RALYL: variants seen among roughly 807,000 people sequenced by gnomAD.
The protein encoded by RALYL is RALY RNA binding protein like, also known as RNA-binding Raly-like protein.
RALYL carries 29 observed loss-of-function variants against 35.1 expected under a neutral mutation model. The observed-to-expected ratio is 0.83, with a 90% CI of 0.61 to 1.13. The LOEUF (loss-of-function observed/expected upper bound fraction) is 1.13, where lower values mean the gene tolerates loss of function less well. RALYL is among the 50% of genes most tolerant of loss of function. RALYL has a pLI of 0.00. For missense variants in RALYL, 359 were observed against 360.4 expected (o/e 1.00, Z 0.03); for synonymous variants, 120 against 127.6 (o/e 0.94, Z 0.40).
intron 2 of RALYL, among the ~76,000 whole-genome samples, chr8:84,539,253 A>G (rs2059824804): frequency 6.6e-6 from 1 of 152,162 alleles, no homozygotes; most frequent in Non-Finnish European, 1.5e-5. Flanking sequence ...AGAGTTGTGA[A>G]GATTAAATGC....
chr8:84,852,936 T>A (rs1353906075), intron 5 of RALYL, among the ~76,000 whole-genome samples: 2 of 152,208 alleles, frequency 1.3e-5, no homozygotes, highest in African/African-American at 4.8e-5. Context: ...TGGGGAGTTG[T>A]GCTCTACTAC....
chr8:84,735,583 A>T (rs1423203712), intron 2 of RALYL, among the ~76,000 whole-genome samples: 1 of 151,960 alleles, frequency 6.6e-6, no homozygotes, highest in Non-Finnish European at 1.5e-5. Flanking sequence ...GTTTTAGACA[A>T]ATGTTCCATT....
chr8:84,826,292 GAAAAA>G (rs1169764529), intron 4 of RALYL, among the ~76,000 whole-genome samples: 26 of 66,012 alleles, frequency 3.9e-4, no homozygotes, highest in African/African-American at 1.2e-3. Flanking sequence ...CCCTGAATCT[GAAAAA>G]AAAAAAAAAA....
intron 4 of RALYL, among the ~76,000 whole-genome samples, chr8:84,816,874 C>T (rs1366440111): frequency 6.6e-6 from 1 of 151,714 alleles, no homozygotes; most frequent in Non-Finnish European, 1.5e-5. Context: ...ATCTCATGTA[C>T]CCCACAAATA....
intron 2 of RALYL, among the ~76,000 whole-genome samples, chr8:84,700,507 A>G (rs1475793768): frequency 1.3e-5 from 2 of 152,144 alleles, no homozygotes; most frequent in Non-Finnish European, 2.9e-5. Flanking sequence ...TGCTTATTTC[A>G]CTTTTAGCAA....
intron 2 of RALYL, among the ~76,000 whole-genome samples, chr8:84,773,109 C>T (rs565787569): frequency 8.5e-5 from 13 of 152,178 alleles, no homozygotes; most frequent in Middle Eastern, 6.8e-3. Flanking sequence ...GACCTGTGCC[C>T]GCTGAACCAC....
intron 1 of RALYL, among the ~76,000 whole-genome samples, chr8:84,407,018 C>G (rs577529323): frequency 6.8e-6 from 1 of 148,106 alleles, no homozygotes; most frequent in African/African-American, 2.5e-5. Flanking sequence ...CTCTCTCTCT[C>G]TATATATATA....
At chr8:84,443,604 C>T (rs2048561136) in intron 1 of RALYL, among the ~76,000 whole-genome samples, 1 of 152,106 alleles carries the variant, frequency 6.6e-6, no homozygotes, top group Admixed American at 6.6e-5. Flanking sequence ...ATAGAGCGTG[C>T]TCTCACATGC....
intron 1 of RALYL, among the ~76,000 whole-genome samples, chr8:84,273,085 G>A (rs888477783): frequency 3.3e-5 from 5 of 152,190 alleles, no homozygotes; most frequent in African/African-American, 1.2e-4. Context: ...ATAGTCAGAG[G>A]ACAAGTTTAC....
chr8:84,878,814 T>A (rs905420984), intron 7 of RALYL, among the ~76,000 whole-genome samples: 2 of 150,720 alleles, frequency 1.3e-5, no homozygotes, highest in Non-Finnish European at 3.0e-5. Context: ...AAATGGAAAA[T>A]AGGGGAAGGA....
chr8:84,440,136 C>G (rs967258847), intron 1 of RALYL, among the ~76,000 whole-genome samples: 1 of 152,056 alleles, frequency 6.6e-6, no homozygotes, highest in African/African-American at 2.4e-5. Flanking sequence ...TTCCTAAGTT[C>G]ATACAGACAA....
At chr8:84,722,617 T>TATATATA (rs1554546342) in intron 2 of RALYL, among the ~76,000 whole-genome samples, 1,664 of 96,784 alleles carry the variant, frequency 0.017, 78 homozygotes, top group African/African-American at 0.043. Flanking sequence ...TAGAGTGATT[T>TATATATA]TATATATATA....
intron 2 of RALYL, among the ~76,000 whole-genome samples, chr8:84,572,284 G>T (rs750302247): frequency 6.6e-6 from 1 of 151,436 alleles, no homozygotes; most frequent in Non-Finnish European, 1.5e-5. Flanking sequence ...CTGCATTTAG[G>T]CCTTTTATGT....
intron 1 of RALYL, among the ~76,000 whole-genome samples, chr8:84,335,348 G>A (rs1847578619): frequency 6.6e-6 from 1 of 152,190 alleles, no homozygotes; most frequent in East Asian, 1.9e-4. Flanking sequence ...TCAGCATACT[G>A]CATGGCCAGT....
chr8:84,501,826 TTAA>T (rs1311561476), intron 1 of RALYL, among the ~76,000 whole-genome samples: 36 of 148,456 alleles, frequency 2.4e-4, no homozygotes, highest in Admixed American at 2.4e-3. Context: ...AAATAATATA[TTAA>T]TAAATAATAT....
At chr8:84,206,126 G>A (rs543203405) in intron 1 of RALYL, among the ~76,000 whole-genome samples, 3 of 152,252 alleles carry the variant, frequency 2.0e-5, no homozygotes, top group South Asian at 4.1e-4. Flanking sequence ...GGAGTACTGA[G>A]GGTTAGGACT....
At chr8:84,427,702 C>G (rs2046652759) in intron 1 of RALYL, among the ~76,000 whole-genome samples, 1 of 152,142 alleles carries the variant, frequency 6.6e-6, no homozygotes, top group South Asian at 2.1e-4. Context: ...CAGAATATCT[C>G]CTGTTCTACT....
Position 84,624,378 on chromosome 8 carries a change from G to A in RALYL, c.256+94801G>A, listed in dbSNP as rs376986905. Among the ~76,000 whole-genome samples the A allele has an allele frequency of 3.3e-5, 5 of 152,280 alleles. No individual in the cohort carries two copies. In the East Asian group the frequency reaches 7.7e-4, roughly 24 times the overall value. On this transcript the variant is annotated intron_variant, in intron 2 of 8. Transcript: ENST00000521268. ...AGTAAGTTTTGTGTTCCTTTTTGGA[G>A]GCTATAGGAAAGAATCCTTTTCCTT...
chr8:84,905,224 G>T (rs1440889697), intron 8 of RALYL, among the ~76,000 whole-genome samples: 5 of 152,096 alleles, frequency 3.3e-5, no homozygotes, highest in East Asian at 1.9e-4. Flanking sequence ...TCTCCTCAAG[G>T]TTCATCCATG....
Sources: gnomAD v4.1 joint callset for allele counts (sites outside exome capture counted in the v4.1 genomes callset) on GRCh38, gnomAD v4.1.1 for gene constraint, MANE v1.5 for transcripts, NCBI Gene and HGNC (gene_info 2026-07-23, HGNC 2026-07-21) for gene names.